RIOK2: variants seen among roughly 807,000 people sequenced by gnomAD.
The protein encoded by RIOK2 is serine/threonine-protein kinase RIO2.
A neutral mutation model predicts 62.4 loss-of-function variants in RIOK2; 46 were observed. That is an observed-to-expected ratio of 0.74 (90% CI 0.58 to 0.94). The LOEUF is 0.94. RIOK2 is among the 40% of genes least tolerant of loss of function. The probability of loss-of-function intolerance (pLI) is 0.00; values close to 1 mark genes in which losing one functional copy is unlikely to be tolerated. For synonymous variants in RIOK2, 197 were observed against 216.0 expected (o/e 0.91, Z 0.77); for missense variants, 574 against 658.0 (o/e 0.87, Z 1.40).
chr5:97,171,404 G>T lies in RIOK2; in HGVS notation c.588-7C>A, dbSNP rs769607112. ...AACATGGTGTATCTGACATCTGAAA[G>T]TATTTTAAGCATGAAAATAGGTTAC... On this transcript the variant is annotated splice_polypyrimidine_tract_variant and splice_region_variant and intron_variant, in intron 5 of 9. Transcript: ENST00000283109. The T allele has an allele frequency of 1.3e-6, 2 of 1,506,356 alleles. No homozygotes were observed. Among genetic ancestry groups the T allele is most frequent in the African/African-American group, 1.4e-5 (1 of 71,016 alleles). 93.3% of individuals were successfully genotyped at this position (1,506,356 alleles called of 1,614,324 possible). A position where few individuals can be genotyped will look rare whatever the true frequency, so the allele number is the denominator to read the frequency against.
intron 1 of RIOK2, among the ~76,000 whole-genome samples, chr5:97,180,096 T>C: frequency 1.1e-5 from 1 of 93,086 alleles, no homozygotes; most frequent in Non-Finnish European, 2.2e-5. Flanking sequence ...TATATATCTC[T>C]ATCCTACATG....
intron 9 of RIOK2, 41 bp downstream of exon 9, chr5:97,165,010 T>C (rs187278759): frequency 5.5e-6 from 7 of 1,277,710 alleles, no homozygotes; most frequent in Non-Finnish European, 7.8e-6. Flanking sequence ...ATCACAGTAG[T>C]GATGTAATAA....
intron 1 of RIOK2, among the ~76,000 whole-genome samples, chr5:97,180,685 G>T (rs2112849724): frequency 6.6e-6 from 1 of 152,156 alleles, no homozygotes; most frequent in South Asian, 2.1e-4. Flanking sequence ...AATCTGAGGG[G>T]GTACTCCGGA....
chr5:97,166,926 TA>T, intron 8 of RIOK2: 1 of 955,064 alleles, frequency 1.0e-6, no homozygotes, highest in Non-Finnish European at 1.2e-6. Context: ...TATATATATA[TA>T]TTTTTGAGAC....
intron 1 of RIOK2, chr5:97,182,903 A>G (rs1042204892): frequency 3.5e-6 from 2 of 573,852 alleles, no homozygotes; most frequent in East Asian, 6.3e-5. Context: ...AAAAGAAAAC[A>G]ATTATTAGAA....
rs1748751199 is a variant in RIOK2, at chr5:97,163,235, T to A, written c.1495-10A>T. 6.2e-7 allele frequency: 1 copy of A among 1,611,136 alleles called. No individual in the cohort carries two copies. The highest frequency in any genetic ancestry group is 2.2e-5 in the East Asian group (1 of 44,776). The stretch of plus-strand genomic sequence containing the variant: ...TCTGTTTCACCAGTTCCTGGAAAGA[T>A]TTCATAAATTAGTATTACTGATAAT... On this transcript the variant is annotated splice_polypyrimidine_tract_variant and intron_variant, in intron 9 of 9. Transcript: ENST00000283109.
rs1748749578 is a variant in RIOK2, at chr5:97,163,182, TG to T, written c.1537del (p.Gln513LysfsTer61). On this transcript the variant is annotated frameshift_variant, in exon 10 of 10. Coordinates refer to ENST00000283109, the MANE Select transcript of RIOK2 (RefSeq NM_018343.3). LOFTEE classifies it high-confidence loss of function. ...CAATCGACGTCTGACAGCTGATTTT[TG>T]CTGTTTTGTCAACTGACGTTTCACC... ...QKVKRQLTKQ[Q>X]KSAVRRRLQK... is the part of the protein sequence containing the mutation. The T allele has an allele frequency of 6.2e-7, 1 of 1,613,734 alleles. No individual in the cohort carries two copies. The highest frequency in any genetic ancestry group is 8.5e-7 in the Non-Finnish European group (1 of 1,179,848).
In RIOK2 at chr5:97,180,298, G is replaced by C. The variant is rs560848368; in HGVS notation, c.67-1105C>G. On this transcript the variant is annotated intron_variant, in intron 1 of 9. Coordinates refer to ENST00000283109, the MANE Select transcript of RIOK2 (RefSeq NM_018343.3). ...GGGCAGAATAAGAATACTTCTAGCT[G>C]AGGGATCAGTTCCAAGGAAGATGCA... Among the ~76,000 whole-genome samples, 3 of 151,100 alleles carry C rather than the reference G, an allele frequency of 2.0e-5. No homozygotes were observed. In the South Asian group the frequency reaches 6.3e-4, roughly 32 times the overall value.
chr5:97,162,985 A>C lies in RIOK2; in HGVS notation c.*76T>G. 6 of 1,280,722 alleles carry C rather than the reference A, an allele frequency of 4.7e-6. No individual in the cohort carries two copies. Among genetic ancestry groups the C allele is most frequent in the Non-Finnish European group, 5.3e-6 (5 of 936,758 alleles). 79.3% of individuals were successfully genotyped at this position (1,280,722 alleles called of 1,614,324 possible). A position where few individuals can be genotyped will look rare whatever the true frequency, so the allele number is the denominator to read the frequency against. ...AATATATGATAGCCTTGGCTCAAAA[A>C]AGACAAATGAGGGCTCAAAAAGGAA... On this transcript the variant is annotated 3_prime_UTR_variant, in exon 10 of 10. Coordinates refer to ENST00000283109, the MANE Select transcript of RIOK2 (RefSeq NM_018343.3).
intron 1 of RIOK2, among the ~76,000 whole-genome samples, chr5:97,180,142 G>GTATGTGTATA (rs1350504483): frequency 2.1e-5 from 2 of 96,062 alleles, no homozygotes; most frequent in African/African-American, 8.2e-5. Flanking sequence ...ATATATATAT[G>GTATGTGTATA]TATATATATA....
chr5:97,173,256 T>A lies in RIOK2; in HGVS notation c.506A>T (p.Tyr169Phe), dbSNP rs760559516. The change falls in exon 5 of 10, where the codon TAT becomes TTT. Residue 169 changes from tyrosine to phenylalanine, a missense_variant. Physicochemically the swap from Tyr to Phe is conservative, Grantham distance 22. Transcript: ENST00000283109. Reference protein sequence around the residue: ...MKEFAYMKALYERKFPVPKPI... With the variant: ...MKEFAYMKALFERKFPVPKPI... ...CTTTGGAACTGGAAATTTCCTCTCA[T>A]ACAATGCCTAAAATGTTGCAAAACA... 1.2e-6 allele frequency: 2 copies of A among 1,611,806 alleles called. No homozygotes were observed. Among genetic ancestry groups the A allele is most frequent in the Non-Finnish European group, 1.7e-6 (2 of 1,178,378 alleles).
At chr5:97,183,086 T>TG (rs749883958) in intron 1 of RIOK2, 40 bp downstream of exon 1, 17 of 1,604,170 alleles carry the variant, frequency 1.1e-5, no homozygotes, top group East Asian at 2.2e-5. Context: ...GGTCACACAG[T>TG]GTTAAGGGGA....
Position 97,167,385 on chromosome 5 carries a change from G to A in RIOK2, c.1397+82C>T, listed in dbSNP as rs1427176452. 10 of 1,531,070 alleles carry A rather than the reference G, an allele frequency of 6.5e-6. No homozygotes were observed. The Admixed American group carries it at 1.3e-4, about 20-fold the overall frequency. The allele number at this position is 1,531,070 out of a possible 1,614,324, so 94.8% of individuals were successfully genotyped here. ...AGAATACAATTTTGTCACATCATTT[G>A]AAAAAAACATTCTTTTACTAGAATC... On this transcript the variant is annotated intron_variant, in intron 8 of 9. Transcript: ENST00000283109.
At chr5:97,164,501 G>C (rs965465166) in intron 9 of RIOK2, among the ~76,000 whole-genome samples, 2 of 151,068 alleles carry the variant, frequency 1.3e-5, no homozygotes, top group Non-Finnish European at 2.9e-5. Context: ...TGGATGACAA[G>C]AGCAAAACTC....
chr5:97,174,412 T>C (rs1473801664), intron 4 of RIOK2, among the ~76,000 whole-genome samples: 3 of 150,214 alleles, frequency 2.0e-5, no homozygotes, highest in East Asian at 1.9e-4. Flanking sequence ...AGAGCAAGAC[T>C]ACACCTCAAA....
intron 1 of RIOK2, among the ~76,000 whole-genome samples, chr5:97,181,550 A>G (rs1186364753): frequency 6.6e-6 from 1 of 152,148 alleles, no homozygotes; most frequent in African/African-American, 2.4e-5. Flanking sequence ...GAGGCCCAAG[A>G]AAGGGTACCA....
rs574943869 is a variant in RIOK2, at chr5:97,173,337, C to T, written c.499-74G>A. The T allele has an allele frequency of 9.7e-6, 9 of 928,652 alleles. No homozygotes were observed. The Admixed American group carries it at 1.2e-4, about 12-fold the overall frequency. 57.5% of individuals were successfully genotyped at this position (928,652 alleles called of 1,614,324 possible). ...TTAAAGAACAATAAAAGTAAATATACCTTTCTACAACCAGAAAAAAAACAC... is the reference window on the plus strand; with the variant it reads ...TTAAAGAACAATAAAAGTAAATATATCTTTCTACAACCAGAAAAAAAACAC... On this transcript the variant is annotated intron_variant, in intron 4 of 9. Coordinates refer to ENST00000283109, the MANE Select transcript of RIOK2 (RefSeq NM_018343.3).
chr5:97,163,749 ATG>A (rs1174037574), intron 9 of RIOK2, among the ~76,000 whole-genome samples: 11 of 152,224 alleles, frequency 7.2e-5, no homozygotes, highest in Admixed American at 7.2e-4. Flanking sequence ...TGAATAAGAA[ATG>A]TGAAATACTC....
intron 3 of RIOK2, 106 bp from the exon 4 acceptor site, chr5:97,177,397 C>G (rs1484749681): frequency 4.4e-6 from 5 of 1,124,584 alleles, no homozygotes; most frequent in Non-Finnish European, 6.2e-6. Flanking sequence ...GTCATTTTTC[C>G]TAATAAAGAT....
Sources: gnomAD v4.1 joint callset for allele counts (sites outside exome capture counted in the v4.1 genomes callset) on GRCh38, gnomAD v4.1.1 for gene constraint, MANE v1.5 for transcripts, NCBI Gene and HGNC (gene_info 2026-07-23, HGNC 2026-07-21) for gene names.